The following WDR20 variants were observed in gnomAD, a reference collection of about 807,000 sequenced individuals.
WDR20 encodes WD repeat-containing protein 20.
Under a neutral mutation model 38.7 loss-of-function variants are expected in WDR20, and 3 were observed. The observed-to-expected ratio is 0.08, with a 90% confidence interval of 0.04 to 0.20. The LOEUF (loss-of-function observed/expected upper bound fraction) is 0.20. Among genes scored for constraint, WDR20 ranks in the 10% least tolerant of loss-of-function variants. The pLI is 1.00. For synonymous variants in WDR20, 298 were observed against 285.6 expected, an observed-to-expected ratio of 1.04 and a Z score of -0.44; for missense variants, 559 against 727.7, an observed-to-expected ratio of 0.77 and a Z score of 2.67.
downstream of WDR20, among the ~76,000 whole-genome samples, chr14:102,210,693 G>C (rs1371583317): frequency 5.5e-5 from 8 of 145,242 alleles, no homozygotes. Flanking sequence ...TTGCTTGTGT[G>C]TTTTCCCAAC....
chr14:102,156,851 C>T (rs1323599305), intron 1 of WDR20, among the ~76,000 whole-genome samples: 2 of 151,934 alleles, frequency 1.3e-5, no homozygotes, highest in African/African-American at 2.4e-5. Flanking sequence ...ACTAGCTGGG[C>T]GTGGTAACAG....
chr14:102,202,062 C>A (rs1009830646), intron 2 of WDR20, among the ~76,000 whole-genome samples: 1 of 152,158 alleles, frequency 6.6e-6, no homozygotes, highest in Non-Finnish European at 1.5e-5. Flanking sequence ...CTGTCCCTCT[C>A]TCCTGGAGCT....
chr14:102,196,345 A>G (rs1326125443), intron 2 of WDR20, among the ~76,000 whole-genome samples: 1 of 152,120 alleles, frequency 6.6e-6, no homozygotes, highest in East Asian at 1.9e-4. Context: ...TAAGCAGAAA[A>G]TATTTTATTT....
At position 102,222,745 on chromosome 14, in the gene WDR20, CG is replaced by C. The variant is rs2064058133; in HGVS notation, c.1693-84del. 3 of 1,467,196 alleles carry C rather than the reference CG, an allele frequency of 2.0e-6. No individual in the cohort carries two copies. In the Admixed American group the frequency reaches 5.1e-5, roughly 25 times the overall value. 90.9% of individuals were successfully genotyped at this position (1,467,196 alleles called of 1,614,324 possible). A position where few individuals can be genotyped will look rare whatever the true frequency, so the allele number is the denominator to read the frequency against. ...ACATCAACAGCACCAGTTTTGACCACGTGGAGCTGCTGGCGGAGGGCGCGCA... is the reference window on the plus strand; with the variant it reads ...ACATCAACAGCACCAGTTTTGACCACTGGAGCTGCTGGCGGAGGGCGCGCA... On this transcript the variant is annotated intron_variant, in intron 3 of 3. Coordinates refer to the WDR20 transcript ENST00000335263. The surrounding 1 kb of genome is among the most constrained non-coding windows in gnomAD (Gnocchi z 4.4).
At chr14:102,146,256 C>T (rs10148255) in intron 1 of WDR20, among the ~76,000 whole-genome samples, 12,991 of 151,972 alleles carry the variant, frequency 0.085, 962 homozygotes, top group African/African-American at 0.21. Context: ...CTCTGGCACC[C>T]GGGTTTTAAG....
chr14:102,176,864 G>A (rs2062233071), intron 1 of WDR20, among the ~76,000 whole-genome samples: 1 of 152,072 alleles, frequency 6.6e-6, no homozygotes, highest in Non-Finnish European at 1.5e-5. Context: ...GAGTAGCTGG[G>A]ACTAGAGGCG....
chr14:102,215,575 A>G (rs576698290), downstream of WDR20, among the ~76,000 whole-genome samples: 25 of 152,142 alleles, frequency 1.6e-4, no homozygotes, highest in Admixed American at 3.3e-4. Context: ...TCTATGTTTT[A>G]AGCCCCGCAT....
At chr14:102,212,518 A>G (rs1490734008), downstream of WDR20, 3 of 1,535,900 alleles carry the variant, frequency 2.0e-6, no homozygotes, top group Non-Finnish European at 2.6e-6. Flanking sequence ...TTTCTTTGAC[A>G]GCCGGCAGAG....
chr14:102,217,072 A>T (rs77146885), downstream of WDR20, among the ~76,000 whole-genome samples: 855 of 152,340 alleles, frequency 5.6e-3, 18 homozygotes, highest in East Asian at 0.034. Context: ...AGTGGCCTCC[A>T]AAACCAGCCT....
intron 1 of WDR20, among the ~76,000 whole-genome samples, chr14:102,158,591 C>T (rs537631946): frequency 6.6e-6 from 1 of 152,240 alleles, no homozygotes; most frequent in South Asian, 2.1e-4. Context: ...CCACTGTGCC[C>T]AGCCTAGATG....
chr14:102,152,456 C>G (rs2056241214), intron 1 of WDR20, among the ~76,000 whole-genome samples: 1 of 149,778 alleles, frequency 6.7e-6, no homozygotes, highest in Non-Finnish European at 1.5e-5. Flanking sequence ...TGCTCTGTCA[C>G]CAGGCTGGAG....
chr14:102,222,980 A>G lies in WDR20; in HGVS notation c.*97A>G. ...GCGCCTGAGCCGTGCCAGCCGGCGG[A>G]CCTCAGGCGGTGGACGTCGGCGATA... On this transcript the variant is annotated 3_prime_UTR_variant, in exon 4 of 4. Transcript: ENST00000335263. The surrounding 1 kb of genome is among the most constrained non-coding windows in gnomAD (Gnocchi z 4.4). 6.0e-6 allele frequency: 9 copies of G among 1,495,398 alleles called. No homozygotes were observed. The highest frequency in any genetic ancestry group is 8.3e-6 in the Non-Finnish European group (9 of 1,078,936). 92.6% of individuals were successfully genotyped at this position (1,495,398 alleles called of 1,614,324 possible).
At chr14:102,211,221 G>GTTTTTCTGTT (rs61423974), downstream of WDR20, among the ~76,000 whole-genome samples, 128,869 of 151,840 alleles carry the variant, frequency 0.85, 55,596 homozygotes, top group African/African-American at 0.97. This position sits in a 1 kb window ranked among gnomAD's most constrained non-coding sequence, Gnocchi z 4.2. Flanking sequence ...GGGCATTTAG[G>GTTTTTCTGTT]TTGTACACCT....
chr14:102,173,140 C>A (rs999071231), intron 1 of WDR20, among the ~76,000 whole-genome samples: 3 of 151,080 alleles, frequency 2.0e-5, no homozygotes, highest in Admixed American at 6.6e-5. Context: ...TTGGAGGCAG[C>A]CTTATTCTGT....
At chr14:102,162,199 A>G (rs1223349407) in intron 1 of WDR20, among the ~76,000 whole-genome samples, 1 of 152,190 alleles carries the variant, frequency 6.6e-6, no homozygotes, top group Non-Finnish European at 1.5e-5. Flanking sequence ...TTTTCTCGAG[A>G]CAAGCTCATA....
At position 102,188,712 on chromosome 14, in the gene WDR20, TA is replaced by T. The variant is rs890250596; in HGVS notation, c.250-6214del. Among the ~76,000 whole-genome samples the T allele has an allele frequency of 7.4e-4, 105 of 141,616 alleles. No homozygotes were observed. In the Middle Eastern group the frequency reaches 0.018, roughly 24 times the overall value. 92.9% of individuals were successfully genotyped at this position (141,616 alleles called of 152,430 possible). A position where few individuals can be genotyped will look rare whatever the true frequency, so the allele number is the denominator to read the frequency against. On this transcript the variant is annotated intron_variant, in intron 1 of 2. Transcript: ENST00000342702. ...GCAAGACACTGTCTCTACAGAAAAT[TA>T]AAAAAAAAAAATTAGTTGGGCATGG...
At chr14:102,162,785 G>GT (rs201198891) in intron 1 of WDR20, among the ~76,000 whole-genome samples, 5 of 151,884 alleles carry the variant, frequency 3.3e-5, no homozygotes, top group South Asian at 2.1e-4. Flanking sequence ...TAATTTTTGT[G>GT]TTTTTTTGTA....
downstream of WDR20, chr14:102,214,065 A>G (rs2062901234): frequency 2.0e-6 from 2 of 985,404 alleles, no homozygotes; most frequent in Admixed American, 6.2e-5. Flanking sequence ...CTGGCCTCTG[A>G]CTGCGGGGTT....
chr14:102,210,059 A>G lies in WDR20; in HGVS notation c.*179A>G. 7.2e-7 allele frequency: 1 copy of G among 1,385,748 alleles called. No homozygotes were observed. The highest frequency in any genetic ancestry group is 9.3e-7 in the Non-Finnish European group (1 of 1,077,038). The allele number at this position is 1,385,748 out of a possible 1,614,324, so 85.8% of individuals were successfully genotyped here. ...TCTGAATCATTTGATAATTTACCTT[A>G]GAGCATTTAAAAAAATATAATCAAA... On this transcript the variant is annotated 3_prime_UTR_variant, in exon 3 of 3. Transcript: ENST00000342702.
Sources: allele counts gnomAD v4.1 joint callset (sites outside exome capture counted in the v4.1 genomes callset), GRCh38; gene constraint gnomAD v4.1.1; non-coding constraint Gnocchi (gnomAD v3.1); transcripts MANE v1.5; gene names NCBI Gene and HGNC (gene_info 2026-07-23, HGNC 2026-07-21).